The following CWH43 variants were observed in gnomAD, a reference collection of about 807,000 sequenced individuals.
CWH43 encodes the protein PGAP2-interacting protein.
CWH43 carries 91 observed loss-of-function variants against 85.7 expected under a neutral mutation model. That is an observed-to-expected ratio of 1.06 (90% CI 0.90 to 1.26). CWH43 has a LOEUF of 1.26. CWH43 is among the 50% of genes most tolerant of loss of function. The pLI, the probability that CWH43 is intolerant of heterozygous loss-of-function variation, is 0.00. For missense variants in CWH43, 869 were observed against 839.2 expected (o/e 1.04, Z -0.44); for synonymous variants, 323 against 293.6 (o/e 1.10, Z -1.02).
At chr4:49,000,484 C>T (rs1560488331) in intron 6 of CWH43, among the ~76,000 whole-genome samples, 1 of 152,128 alleles carries the variant, frequency 6.6e-6, no homozygotes, top group African/African-American at 2.4e-5. Context: ...TTGTGAGATT[C>T]CTCAGGAAAA....
intron 13 of CWH43, among the ~76,000 whole-genome samples, chr4:49,044,388 C>G (rs1309290105): frequency 6.6e-6 from 1 of 152,144 alleles, no homozygotes; most frequent in Non-Finnish European, 1.5e-5. Context: ...GACATAGAAA[C>G]AGATACCTGG....
At chr4:49,015,646 T>C (rs1783521061) in intron 8 of CWH43, among the ~76,000 whole-genome samples, 1 of 152,132 alleles carries the variant, frequency 6.6e-6, no homozygotes, top group South Asian at 2.1e-4. Context: ...TCCCATTCTT[T>C]CTCTTTCTTT....
intron 10 of CWH43, 62 bp from the exon 11 acceptor site, chr4:49,030,763 G>C (rs1417067484): frequency 1.4e-6 from 2 of 1,449,464 alleles, no homozygotes; most frequent in South Asian, 1.5e-5. Flanking sequence ...GTAAAGTGTT[G>C]CTAATTGTTT....
intron 9 of CWH43, among the ~76,000 whole-genome samples, chr4:49,021,167 T>C (rs1362691603): frequency 1.3e-5 from 2 of 152,226 alleles, no homozygotes; most frequent in African/African-American, 4.8e-5. Flanking sequence ...TGTCGTATTC[T>C]AGAATTTTTA....
intron 8 of CWH43, among the ~76,000 whole-genome samples, chr4:49,016,508 C>T (rs575567184): frequency 4.6e-5 from 7 of 152,102 alleles, no homozygotes; most frequent in South Asian, 2.1e-4. Flanking sequence ...ACCTTGGTGA[C>T]GTTTAGTTCC....
At chr4:49,027,772 A>G (rs1437574108) in intron 9 of CWH43, among the ~76,000 whole-genome samples, 1 of 152,192 alleles carries the variant, frequency 6.6e-6, no homozygotes, top group Non-Finnish European at 1.5e-5. Context: ...ATCAAATAGT[A>G]GGTCTTATTC....
At chr4:49,052,096 C>T (rs762545898) in intron 15 of CWH43, among the ~76,000 whole-genome samples, 13 of 152,126 alleles carry the variant, frequency 8.5e-5, no homozygotes, top group Non-Finnish European at 1.9e-4. Context: ...TCTCCATTCT[C>T]TTTTTCTTCT....
chr4:48,988,451 CTCTT>C (rs1211924500), intron 1 of CWH43, 22 bp from the exon 2 acceptor site: 5 of 1,494,274 alleles, frequency 3.3e-6, no homozygotes, highest in African/African-American at 2.9e-5. Context: ...TACACTTTCT[CTCTT>C]TAACTTTTTT....
intron 9 of CWH43, among the ~76,000 whole-genome samples, chr4:49,025,998 G>A (rs1242063134): frequency 6.6e-6 from 1 of 151,972 alleles, no homozygotes; most frequent in Non-Finnish European, 1.5e-5. Flanking sequence ...TCTGAGCTCA[G>A]ACTCTCGTTG....
At chr4:49,049,588 C>T (rs1206577712) in intron 14 of CWH43, among the ~76,000 whole-genome samples, 1 of 152,034 alleles carries the variant, frequency 6.6e-6, no homozygotes, top group Non-Finnish European at 1.5e-5. Flanking sequence ...TCATAGTGGC[C>T]TGTGAGGAAG....
chr4:49,020,416 C>CACACACACAT (rs140534523), intron 9 of CWH43, among the ~76,000 whole-genome samples: 46 of 128,392 alleles, frequency 3.6e-4, no homozygotes, highest in African/African-American at 1.1e-3. Context: ...CACACACACA[C>CACACACACAT]ATATATATAT....
intron 15 of CWH43, among the ~76,000 whole-genome samples, chr4:49,060,684 C>T (rs865897951): frequency 1.3e-4 from 20 of 152,272 alleles, no homozygotes; most frequent in Middle Eastern, 6.8e-3. Context: ...TTTCTTATTT[C>T]TCTAATACAT....
chr4:49,045,681 C>G (rs146758289), intron 14 of CWH43, among the ~76,000 whole-genome samples: 1 of 152,256 alleles, frequency 6.6e-6, no homozygotes, highest in East Asian at 1.9e-4. Flanking sequence ...GATGTCCACA[C>G]AATGACAAAA....
At chr4:49,018,541 G>C (rs888963653) in intron 9 of CWH43, among the ~76,000 whole-genome samples, 1 of 152,086 alleles carries the variant, frequency 6.6e-6, no homozygotes, top group African/African-American at 2.4e-5. Flanking sequence ...AACTTTTCTT[G>C]TCTCTTTCTT....
At chr4:49,059,547 A>G (rs998846238) in intron 15 of CWH43, among the ~76,000 whole-genome samples, 1 of 152,144 alleles carries the variant, frequency 6.6e-6, no homozygotes, top group African/African-American at 2.4e-5. Context: ...GTATCTGTAC[A>G]TTTGAAAAAG....
At chr4:49,003,560 C>G (rs1407561581) in intron 6 of CWH43, 175 bp from the exon 7 acceptor site, 1 of 618,446 alleles carries the variant, frequency 1.6e-6, no homozygotes, top group Non-Finnish European at 2.8e-6. Flanking sequence ...GAGACAATAA[C>G]TGGCTGTGTG....
intron 9 of CWH43, among the ~76,000 whole-genome samples, chr4:49,027,900 C>T (rs1378789147): frequency 2.0e-5 from 3 of 152,126 alleles, no homozygotes; most frequent in Non-Finnish European, 2.9e-5. Flanking sequence ...ATCTGACTCA[C>T]TCACGACCTA....
At position 48,992,128 on chromosome 4, in the gene CWH43, T is replaced by A; in HGVS notation, c.511+38T>A. On this transcript the variant is annotated intron_variant, in intron 4 of 15. Coordinates refer to ENST00000226432, the MANE Select transcript of CWH43 (RefSeq NM_025087.3). This position sits in a 1 kb window ranked among gnomAD's most constrained non-coding sequence, Gnocchi z 4.3. ...CTTAGGAATTTTCTCTTTGCAGAGC[T>A]TACCTTTCCTATGTGAATGTTGCAC... is the stretch of plus-strand genomic sequence containing the variant. 2 of 1,531,984 alleles carry A rather than the reference T, an allele frequency of 1.3e-6. No homozygotes were observed. Among genetic ancestry groups the A allele is most frequent in the Non-Finnish European group, 1.8e-6 (2 of 1,114,606 alleles). The allele number at this position is 1,531,984 out of a possible 1,614,324, so 94.9% of individuals were successfully genotyped here. A position where few individuals can be genotyped will look rare whatever the true frequency, so the allele number is the denominator to read the frequency against.
rs10537617 is a variant in CWH43, at chr4:48,988,459, C to CT, written c.44-5dup. On this transcript the variant is annotated splice_polypyrimidine_tract_variant and intron_variant, in intron 1 of 15. Coordinates refer to ENST00000226432, the MANE Select transcript of CWH43 (RefSeq NM_025087.3). Reference sequence around the variant, plus strand: ...TTGAAGTTACACTTTCTCTCTTTAACTTTTTTTTTTTTTGTAGGATGTGTT... The same window carrying CT: ...TTGAAGTTACACTTTCTCTCTTTAACTTTTTTTTTTTTTTGTAGGATGTGTT... 15,755 of 1,276,440 alleles carry CT rather than the reference C, an allele frequency of 0.012. No homozygotes were observed. Among genetic ancestry groups the CT allele is most frequent in the East Asian group, 0.038 (1,360 of 36,214 alleles). 79.1% of individuals were successfully genotyped at this position (1,276,440 alleles called of 1,614,324 possible).
Sources: gnomAD v4.1 joint callset for allele counts (sites outside exome capture counted in the v4.1 genomes callset) on GRCh38, gnomAD v4.1.1 for gene constraint, Gnocchi (gnomAD v3.1) non-coding constraint, MANE v1.5 for transcripts, NCBI Gene and HGNC (gene_info 2026-07-23, HGNC 2026-07-21) for gene names.